The following TTLL12 variants were observed in gnomAD, a reference collection of about 807,000 sequenced individuals.
The protein encoded by TTLL12 is tubulin tyrosine ligase like 12, also known as tubulin--tyrosine ligase-like protein 12.
In TTLL12, 77 loss-of-function variants were observed where a neutral mutation model predicts 79.6. That is an observed-to-expected ratio of 0.97 (90% CI 0.81 to 1.17). The LOEUF is 1.17. Ranked by LOEUF, TTLL12 falls within the 50% of genes most tolerant of loss-of-function variation. TTLL12 has a pLI of 0.00. For missense variants in TTLL12, 969 were observed against 895.9 expected, an observed-to-expected ratio of 1.08 and a Z score of -1.04; for synonymous variants, 437 against 376.1, an observed-to-expected ratio of 1.16 and a Z score of -1.87.
chr22:43,176,519 C>A, intron 5 of TTLL12, 123 bp from the exon 6 acceptor site: 1 of 774,538 alleles, frequency 1.3e-6, no homozygotes, highest in South Asian at 1.5e-5. Flanking sequence ...CACGTGATGT[C>A]AGGAGCTCGA....
chr22:43,182,325 C>A (rs1231518348), intron 2 of TTLL12, among the ~76,000 whole-genome samples: 1 of 152,200 alleles, frequency 6.6e-6, no homozygotes, highest in East Asian at 1.9e-4. Context: ...CTTGCTACTG[C>A]CCACTCCCAG....
chr22:43,177,140 G>A (rs1931936155), intron 5 of TTLL12, among the ~76,000 whole-genome samples: 1 of 152,122 alleles, frequency 6.6e-6, no homozygotes, highest in South Asian at 2.1e-4. Flanking sequence ...AAGCTGAGGT[G>A]GAGGAGTACC....
At chr22:43,186,807 G>A (rs986167738) in intron 1 of TTLL12, 86 bp downstream of exon 1, 82 of 1,180,722 alleles carry the variant, frequency 6.9e-5, no homozygotes, top group Non-Finnish European at 8.4e-5. Context: ...CCCGCCGCCC[G>A]GGAGCGCTCT....
chr22:43,177,380 A>T (rs34020215), intron 5 of TTLL12, among the ~76,000 whole-genome samples: 59,571 of 148,142 alleles, frequency 0.4, 12,626 homozygotes, highest in Non-Finnish European at 0.49. Context: ...TAAAAAATTA[A>T]AAAAAAAAAA....
chr22:43,168,868 A>T lies in TTLL12; in HGVS notation c.1689T>A (p.Cys563Ter). Reference protein sequence around the residue: ...RAFTELFQVACAKPPPLGLCD... With the variant: ...RAFTELFQVA ...AGAGGCCCAGGGGTGGTGGCTTGGC[A>T]CAGGCCACCTGGAACAGCTCCGTGA... Residue 563 changes from cysteine to a stop codon, truncating the protein, a stop_gained, in exon 13 of 14, where the codon TGT becomes TGA. Coordinates refer to ENST00000216129, the MANE Select transcript of TTLL12 (RefSeq NM_015140.4). LOFTEE classifies it high-confidence loss of function. 2 of 1,610,584 alleles carry T rather than the reference A, an allele frequency of 1.2e-6. No homozygotes were observed. The highest frequency in any genetic ancestry group is 8.5e-7 in the Non-Finnish European group (1 of 1,178,884).
At chr22:43,176,757 AAAG>A (rs1931926202) in intron 5 of TTLL12, among the ~76,000 whole-genome samples, 1 of 150,226 alleles carries the variant, frequency 6.7e-6, no homozygotes, top group African/African-American at 2.5e-5. Flanking sequence ...AAAAAAAGGA[AAAG>A]AAGGAGGGGA....
intron 2 of TTLL12, among the ~76,000 whole-genome samples, chr22:43,182,318 G>C (rs1462129353): frequency 7.2e-5 from 11 of 152,350 alleles, no homozygotes; most frequent in Admixed American, 2.0e-4. Context: ...GGGGTGGCTT[G>C]CTACTGCCCA....
chr22:43,175,828 A>G (rs1045448923), intron 6 of TTLL12: 2 of 144,852 alleles, frequency 1.4e-5, no homozygotes, highest in African/African-American at 5.1e-5. Context: ...GCCAGCCACC[A>G]TGCCCTACTA....
intron 11 of TTLL12, among the ~76,000 whole-genome samples, chr22:43,170,649 G>A (rs1163023530): frequency 2.6e-5 from 4 of 152,194 alleles, no homozygotes; most frequent in South Asian, 2.1e-4. Flanking sequence ...GGTGGCTCAC[G>A]CCTGTAATCC....
rs1374871208 is a variant in TTLL12 at position 43,179,881 on chromosome 22, G to T, written c.666C>A (p.Ala222=). The T allele has an allele frequency of 6.2e-7, 1 of 1,610,082 alleles. No individual in the cohort carries two copies. Among genetic ancestry groups the T allele is most frequent in the South Asian group, 1.1e-5 (1 of 90,924 alleles). The change falls in exon 4 of 14, where the codon GCC becomes GCA. Residue 222 remains alanine (A), a synonymous_variant. Transcript: ENST00000216129. ...APFFYMPQQV[A]YTLLWPLRDL... ...CCCTCAGGGGCCACAGCAGCGTGTA[G>T]GCCACCTGCTGCGGCATGTAGAAGA...
intron 8 of TTLL12, 135 bp downstream of exon 8, chr22:43,174,074 G>C: frequency 8.1e-7 from 1 of 1,241,256 alleles, no homozygotes; most frequent in Non-Finnish European, 1.1e-6. Context: ...GAAGACGGCC[G>C]TGACGTTCGG....
At chr22:43,185,991 C>A in intron 1 of TTLL12, 1 of 985,456 alleles carries the variant, frequency 1.0e-6, no homozygotes, top group Non-Finnish European at 1.2e-6. Flanking sequence ...GGTTCCTAGT[C>A]CAATCAGGAT....
intron 11 of TTLL12, chr22:43,170,057 C>G (rs1931725789): frequency 2.8e-6 from 1 of 359,322 alleles, no homozygotes; most frequent in East Asian, 7.4e-5. Flanking sequence ...AGACTTTACC[C>G]AAAACACACC....
chr22:43,181,855 T>C (rs1372670413), intron 2 of TTLL12, among the ~76,000 whole-genome samples: 1 of 152,154 alleles, frequency 6.6e-6, no homozygotes, highest in African/African-American at 2.4e-5. Flanking sequence ...TGTGTTAGAG[T>C]GGGTGACCAC....
intron 5 of TTLL12, among the ~76,000 whole-genome samples, chr22:43,176,644 C>T (rs138940): frequency 0.41 from 61,122 of 148,006 alleles, 13,818 homozygotes; most frequent in Non-Finnish European, 0.52. Flanking sequence ...GCAGGAGAAT[C>T]GCTTGAACCC....
chr22:43,181,019 C>T, intron 2 of TTLL12, 79 bp from the exon 3 acceptor site: 1 of 1,478,428 alleles, frequency 6.8e-7, no homozygotes, highest in Admixed American at 1.9e-5. Flanking sequence ...AGGCCCAGGG[C>T]TGTGTTGGGA....
At chr22:43,182,258 C>T (rs1031653088) in intron 2 of TTLL12, among the ~76,000 whole-genome samples, 7 of 152,210 alleles carry the variant, frequency 4.6e-5, no homozygotes, top group African/African-American at 9.7e-5. Context: ...CTGAAGGGGA[C>T]GGTGAGCCCA....
intron 8 of TTLL12, 33 bp from the exon 9 acceptor site, chr22:43,173,859 T>G (rs1012885548): frequency 7.0e-6 from 11 of 1,576,710 alleles, no homozygotes; most frequent in Non-Finnish European, 9.4e-6. Context: ...GGGGGGCGCC[T>G]GGGGCCTGTG....
intron 1 of TTLL12, among the ~76,000 whole-genome samples, chr22:43,186,241 G>C (rs1339762978): frequency 6.8e-6 from 1 of 146,800 alleles, no homozygotes; most frequent in East Asian, 2.0e-4. Flanking sequence ...CTCTGGGCAC[G>C]CAATAAAAAT....
Sources: allele counts gnomAD v4.1 joint callset (sites outside exome capture counted in the v4.1 genomes callset), GRCh38; gene constraint gnomAD v4.1.1; transcripts MANE v1.5; gene names NCBI Gene and HGNC (gene_info 2026-07-23, HGNC 2026-07-21).